Variants in UACA observed in about 807,000 individuals in gnomAD.
The protein encoded by UACA is nuclear membrane binding protein.
UACA carries 112 observed loss-of-function variants against 160.5 expected under a neutral mutation model. That is an observed-to-expected ratio of 0.70 (90% confidence interval 0.60 to 0.82). The LOEUF (loss-of-function observed/expected upper bound fraction) is 0.82. Ranked by LOEUF, UACA falls within the 40% of genes least tolerant of loss-of-function variation. The probability of loss-of-function intolerance (pLI) is 0.00; values close to 1 mark genes in which losing one functional copy is unlikely to be tolerated. For missense variants in UACA, 1,574 were observed against 1,614.6 expected (o/e 0.97, Z 0.43); for synonymous variants, 557 against 568.4 (o/e 0.98, Z 0.29).
At position 70,683,003 on chromosome 15, in the gene UACA, A is replaced by G. The variant is rs1414849822; in HGVS notation, c.785-208T>C. Among the ~76,000 whole-genome samples the G allele has an allele frequency of 2.0e-5, 3 of 152,274 alleles. No homozygotes were observed. In the East Asian group the frequency reaches 5.8e-4, roughly 29 times the overall value. On this transcript the variant is annotated intron_variant, in intron 8 of 18. Coordinates refer to ENST00000322954, the MANE Select transcript of UACA (RefSeq NM_018003.4). ...TGCCTATCAAATTAGCAAAATTTTT[A>G]TAACAATATTCAAGTAGGTAAGATT...
the UACA span, among the ~76,000 whole-genome samples, chr15:70,778,214 A>T: frequency 3.3e-5 from 5 of 150,334 alleles, no homozygotes; most frequent in Admixed American, 6.6e-5. Flanking sequence ...AAAAAAAAAA[A>T]ATATTGAGAA....
intron 1 of UACA, among the ~76,000 whole-genome samples, chr15:70,719,435 T>C (rs1424412346): frequency 6.6e-6 from 1 of 152,204 alleles, no homozygotes; most frequent in Non-Finnish European, 1.5e-5. Flanking sequence ...ACTAAGAATG[T>C]GGACCCACGG....
At chr15:70,774,463 G>A in the UACA span, among the ~76,000 whole-genome samples, 6 of 150,752 alleles carry the variant, frequency 4.0e-5, no homozygotes, top group Admixed American at 1.3e-4. Flanking sequence ...GGAGAATGGC[G>A]TGAACCCAGG....
chr15:70,690,541 A>T, intron 4 of UACA, 30 bp from the exon 5 acceptor site: 1 of 1,570,128 alleles, frequency 6.4e-7, no homozygotes, highest in African/African-American at 1.4e-5. Flanking sequence ...TTAGTAAAGT[A>T]GGAGAGTTTT....
intron 1 of UACA, among the ~76,000 whole-genome samples, chr15:70,711,627 G>C (rs991195123): frequency 1.3e-5 from 2 of 152,110 alleles, no homozygotes; most frequent in Non-Finnish European, 2.9e-5. Context: ...TACAGTGCTA[G>C]ATATACCAGG....
At chr15:70,722,069 G>T (rs1361048395) in intron 1 of UACA, among the ~76,000 whole-genome samples, 1 of 152,092 alleles carries the variant, frequency 6.6e-6, no homozygotes, top group Non-Finnish European at 1.5e-5. Flanking sequence ...CTCAGATAAG[G>T]GATGGCCTTT....
chr15:70,682,074 T>C lies in UACA; in HGVS notation c.822+684A>G, dbSNP rs529149303. ...GGAGAGGAAAGCTGCCTACACTAGC[T>C]TTTGAGCCACGGTACTGTAAACCAA... is the stretch of plus-strand genomic sequence containing the variant. On this transcript the variant is annotated intron_variant, in intron 9 of 18. Transcript: ENST00000322954. The C allele has an allele frequency of 5.6e-4, 86 of 152,320 alleles. 1 individual carries two copies. Among genetic ancestry groups the C allele is most frequent in the African/African-American group, 2.0e-3 (83 of 41,586 alleles). The allele number at this position is 152,320 out of a possible 1,614,324, so 9.4% of individuals were successfully genotyped here.
intron 1 of UACA, among the ~76,000 whole-genome samples, chr15:70,757,513 AT>A (rs1469516867): frequency 6.6e-6 from 1 of 152,136 alleles, no homozygotes; most frequent in Non-Finnish European, 1.5e-5. Flanking sequence ...TAATTACATC[AT>A]CCCTTCTTCA....
At position 70,656,859 on chromosome 15, in the gene UACA, T is replaced by A. The variant is rs773639790; in HGVS notation, c.*197A>T. 2 of 462,322 alleles carry A rather than the reference T, an allele frequency of 4.3e-6. No homozygotes were observed. Among genetic ancestry groups the A allele is most frequent in the Non-Finnish European group, 7.7e-6 (2 of 260,654 alleles). The allele number at this position is 462,322 out of a possible 1,614,324, so 28.6% of individuals were successfully genotyped here. ...TTTGCCTATTTGTAAAATTAACACATACAGAAAATAAGATTCAAACTGATA... is the reference window on the plus strand; with the variant it reads ...TTTGCCTATTTGTAAAATTAACACAAACAGAAAATAAGATTCAAACTGATA... On this transcript the variant is annotated 3_prime_UTR_variant, in exon 19 of 19. Transcript: ENST00000322954.
At chr15:70,697,855 A>T (rs1052101559) in intron 2 of UACA, among the ~76,000 whole-genome samples, 2 of 152,152 alleles carry the variant, frequency 1.3e-5, no homozygotes, top group African/African-American at 4.8e-5. Context: ...GTCCAAGACC[A>T]GCCTGACCAA....
intron 7 of UACA, among the ~76,000 whole-genome samples, chr15:70,685,439 G>T (rs1897675873): frequency 6.6e-6 from 1 of 152,050 alleles, no homozygotes; most frequent in South Asian, 2.1e-4. Flanking sequence ...TGTATGCTGT[G>T]TTTCTCATAT....
chr15:70,720,992 G>A (rs1898972387), intron 1 of UACA, among the ~76,000 whole-genome samples: 1 of 152,176 alleles, frequency 6.6e-6, no homozygotes. Context: ...TGAAAATGTG[G>A]AGTGCAGCCA....
intron 1 of UACA, among the ~76,000 whole-genome samples, chr15:70,718,530 A>C (rs1898895607): frequency 1.3e-5 from 2 of 152,124 alleles, no homozygotes; most frequent in South Asian, 4.1e-4. Context: ...TACTTTGTGA[A>C]GAGACTGGCA....
chr15:70,666,336 T>C (rs1896902737), intron 16 of UACA, among the ~76,000 whole-genome samples: 1 of 151,820 alleles, frequency 6.6e-6, no homozygotes, highest in South Asian at 2.1e-4. Flanking sequence ...CTACTATGGG[T>C]GAGTACCGAG....
intron 1 of UACA, among the ~76,000 whole-genome samples, chr15:70,747,030 A>G (rs998006711): frequency 1.3e-5 from 2 of 152,100 alleles, no homozygotes; most frequent in Non-Finnish European, 1.5e-5. Context: ...AACAATGTAG[A>G]TGATGGGTTG....
intron 3 of UACA, among the ~76,000 whole-genome samples, chr15:70,693,803 A>T (rs1373271576): frequency 6.6e-6 from 1 of 152,180 alleles, no homozygotes; most frequent in Non-Finnish European, 1.5e-5. Flanking sequence ...AAATAGTCTT[A>T]AGAGCTCTGA....
the UACA span, among the ~76,000 whole-genome samples, chr15:70,777,554 A>G: frequency 6.6e-6 from 1 of 152,208 alleles, no homozygotes; most frequent in Non-Finnish European, 1.5e-5. Context: ...AAGGAAAACC[A>G]AAGGGTATGG....
In UACA at chr15:70,703,528, C is replaced by T. The variant is rs541193254; in HGVS notation, c.79-3868G>A. ...CACAATGGATTCATTTGGCTAAACCCAGAGACTCCGCCCAGTCTGTGTCAC... is the reference window on the plus strand; with the variant it reads ...CACAATGGATTCATTTGGCTAAACCTAGAGACTCCGCCCAGTCTGTGTCAC... On this transcript the variant is annotated intron_variant, in intron 1 of 18. Transcript: ENST00000322954. Among the ~76,000 whole-genome samples, 28 of 152,260 alleles carry T rather than the reference C, an allele frequency of 1.8e-4. 1 individual carries two copies. In the South Asian group the frequency reaches 5.4e-3, roughly 29 times the overall value.
intron 1 of UACA, among the ~76,000 whole-genome samples, chr15:70,727,931 A>C (rs745548369): frequency 7.2e-5 from 11 of 152,218 alleles, no homozygotes; most frequent in Non-Finnish European, 1.3e-4. Context: ...AGAGCAGCTC[A>C]AAGTGTAGTA....
Sources: gnomAD v4.1 joint callset for allele counts (sites outside exome capture counted in the v4.1 genomes callset) on GRCh38, gnomAD v4.1.1 for gene constraint, MANE v1.5 for transcripts, NCBI Gene and HGNC (gene_info 2026-07-23, HGNC 2026-07-21) for gene names.